The following STK39 variants were observed in gnomAD, a reference collection of about 807,000 sequenced individuals.
The protein encoded by STK39 is serine/threonine kinase 39.
In STK39, 20 loss-of-function variants were observed where a neutral mutation model predicts 77.8. The observed-to-expected ratio is 0.26, with a 90% CI of 0.18 to 0.37. The LOEUF (loss-of-function observed/expected upper bound fraction) is 0.37, where lower values mean the gene tolerates loss of function less well. STK39 is among the 10% of genes least tolerant of loss of function. The pLI, the probability that STK39 is intolerant of heterozygous loss-of-function variation, is 1.00. For synonymous variants in STK39, 246 were observed against 234.1 expected (o/e 1.05, Z -0.47); for missense variants, 479 against 656.5 (o/e 0.73, Z 2.95).
chr2:167,992,228 C>G (rs1374506239), intron 16 of STK39, among the ~76,000 whole-genome samples: 1 of 152,144 alleles, frequency 6.6e-6, no homozygotes, highest in African/African-American at 2.4e-5. Context: ...TTTTCCAAGA[C>G]AAGCCAGAAC....
chr2:167,995,652 C>G (rs1262572393), intron 16 of STK39, among the ~76,000 whole-genome samples: 2 of 152,030 alleles, frequency 1.3e-5, no homozygotes, highest in Non-Finnish European at 2.9e-5. Context: ...TACTGCCACC[C>G]AAAAAGGTAC....
At chr2:168,038,895 C>T (rs1329311254) in intron 14 of STK39, among the ~76,000 whole-genome samples, 2 of 152,044 alleles carry the variant, frequency 1.3e-5, no homozygotes, top group South Asian at 2.1e-4. Context: ...ATTGACGATA[C>T]CAAGTATTAA....
intron 16 of STK39, among the ~76,000 whole-genome samples, chr2:167,980,744 CTTG>C (rs1400882042): frequency 1.6e-5 from 2 of 121,262 alleles, no homozygotes; most frequent in Non-Finnish European, 3.5e-5. Flanking sequence ...ACCTTCATTT[CTTG>C]TTGTTGTTTT....
chr2:168,222,416 G>C (rs182231494), intron 1 of STK39, among the ~76,000 whole-genome samples: 2 of 152,302 alleles, frequency 1.3e-5, no homozygotes, highest in Admixed American at 1.3e-4. Context: ...AGAACGAGAG[G>C]AGTAGTAAGA....
At chr2:168,175,307 T>C (rs575058538) in intron 2 of STK39, among the ~76,000 whole-genome samples, 16 of 152,340 alleles carry the variant, frequency 1.1e-4, no homozygotes, top group African/African-American at 3.4e-4. Flanking sequence ...AATCTGGGCA[T>C]GTTTTCCCCA....
At chr2:168,031,609 C>G (rs1346710852) in intron 14 of STK39, among the ~76,000 whole-genome samples, 2 of 152,126 alleles carry the variant, frequency 1.3e-5, no homozygotes, top group African/African-American at 4.8e-5. Flanking sequence ...GGGCCCTAAT[C>G]CAACAGGACA....
intron 1 of STK39, among the ~76,000 whole-genome samples, chr2:168,240,843 A>G (rs1690741057): frequency 6.6e-6 from 1 of 152,270 alleles, no homozygotes; most frequent in Admixed American, 6.5e-5. Context: ...CAGGAAGTCC[A>G]GAAGGAAGGC....
chr2:168,116,817 A>AT (rs1687272085), intron 10 of STK39, among the ~76,000 whole-genome samples: 1 of 152,170 alleles, frequency 6.6e-6, no homozygotes, highest in Non-Finnish European at 1.5e-5. Flanking sequence ...CATCTTACTC[A>AT]TTTTAAAGAC....
Position 168,082,828 on chromosome 2 carries a change from C to T in STK39, c.1090-7597G>A, listed in dbSNP as rs1450810394. On this transcript the variant is annotated intron_variant, in intron 10 of 17. Coordinates refer to ENST00000355999, the MANE Select transcript of STK39 (RefSeq NM_013233.3). The stretch of plus-strand genomic sequence containing the variant: ...ATCTGTTTTTCAAAGTTGAGTTTGC[C>T]ACCCCTAACCCATTTGTTAATCCTC... Among the ~76,000 whole-genome samples the T allele has an allele frequency of 2.0e-5, 3 of 152,040 alleles. 1 individual carries two copies. The South Asian group carries it at 6.2e-4, about 32-fold the overall frequency.
chr2:168,193,747 G>A (rs1351321121), intron 1 of STK39, among the ~76,000 whole-genome samples: 1 of 152,220 alleles, frequency 6.6e-6, no homozygotes, highest in Non-Finnish European at 1.5e-5. Flanking sequence ...GGTCACCTGG[G>A]TGTGCTGTGA....
chr2:167,958,918 C>T (rs1691859399), intron 17 of STK39, among the ~76,000 whole-genome samples: 1 of 152,156 alleles, frequency 6.6e-6, no homozygotes, highest in Admixed American at 6.5e-5. Context: ...TTTCATTATA[C>T]AATATGAACA....
chr2:168,061,137 T>C (rs772296384), intron 14 of STK39, among the ~76,000 whole-genome samples: 30 of 152,108 alleles, frequency 2.0e-4, no homozygotes, highest in Non-Finnish European at 3.7e-4. Context: ...ATCAGCTGTT[T>C]TGTTTGGCTG....
At chr2:168,033,019 G>A (rs1684865934) in intron 14 of STK39, among the ~76,000 whole-genome samples, 1 of 152,212 alleles carries the variant, frequency 6.6e-6, no homozygotes, top group African/African-American at 2.4e-5. Context: ...ATGGGTCAGA[G>A]GAGCTAAGAT....
intron 16 of STK39, among the ~76,000 whole-genome samples, chr2:167,978,138 A>G (rs1453478622): frequency 6.6e-6 from 1 of 152,196 alleles, no homozygotes; most frequent in African/African-American, 2.4e-5. Context: ...AGGTTTTACA[A>G]TAGTGATGGT....
chr2:168,098,108 ATTC>A (rs1686722780), intron 10 of STK39, among the ~76,000 whole-genome samples: 2 of 152,228 alleles, frequency 1.3e-5, no homozygotes, highest in African/African-American at 4.8e-5. Context: ...CTTCTTTATC[ATTC>A]TTCTTTAGTC....
chr2:168,220,365 G>A (rs1256510698), intron 1 of STK39, among the ~76,000 whole-genome samples: 1 of 152,082 alleles, frequency 6.6e-6, no homozygotes, highest in Non-Finnish European at 1.5e-5. Context: ...ACTCTAAGCA[G>A]CACAGCATAA....
At chr2:168,169,710 C>A (rs1045111305) in intron 2 of STK39, among the ~76,000 whole-genome samples, 1 of 150,518 alleles carries the variant, frequency 6.6e-6, no homozygotes, top group South Asian at 2.1e-4. Context: ...TTAGCAAATT[C>A]TATTCCTTCA....
intron 12 of STK39, 125 bp downstream of exon 12, chr2:168,074,857 C>CTCGT: frequency 8.8e-7 from 1 of 1,131,550 alleles, no homozygotes; most frequent in African/African-American, 1.6e-5. Context: ...CTGCAAAGTC[C>CTCGT]TCGTGCCTTT....
At chr2:168,047,640 T>C (rs964243434) in intron 14 of STK39, among the ~76,000 whole-genome samples, 5 of 152,158 alleles carry the variant, frequency 3.3e-5, no homozygotes, top group African/African-American at 1.2e-4. Flanking sequence ...TGAAAAGTCA[T>C]CTTCAAGTAG....
Sources: gnomAD v4.1 joint callset for allele counts (sites outside exome capture counted in the v4.1 genomes callset) on GRCh38, gnomAD v4.1.1 for gene constraint, MANE v1.5 for transcripts, NCBI Gene and HGNC (gene_info 2026-07-23, HGNC 2026-07-21) for gene names.